The following FOCAD variants were observed in gnomAD, a reference collection of about 807,000 sequenced individuals.
FOCAD encodes the protein KIAA1797.
Under a neutral mutation model 225.6 loss-of-function variants are expected in FOCAD, and 198 were observed. The ratio of observed to expected loss-of-function variants is 0.88; its 90% CI spans 0.78 to 0.99. The LOEUF (loss-of-function observed/expected upper bound fraction) is 0.99. FOCAD is among the 50% of genes least tolerant of loss of function. FOCAD has a pLI of 0.00. For missense variants in FOCAD, 2,713 were observed against 2,123.6 expected, an observed-to-expected ratio of 1.28 and a Z score of -5.46; for synonymous variants, 897 against 755.0, an observed-to-expected ratio of 1.19 and a Z score of -3.08.
upstream of FOCAD, among the ~76,000 whole-genome samples, chr9:20,682,145 T>G (rs536083128): frequency 7.9e-5 from 12 of 152,212 alleles, no homozygotes; most frequent in Non-Finnish European, 1.8e-4. Flanking sequence ...AACCTCACCA[T>G]ATTCCAAATC....
intron 5 of FOCAD, among the ~76,000 whole-genome samples, chr9:20,743,169 C>T (rs1827768821): frequency 6.6e-6 from 1 of 152,106 alleles, no homozygotes; most frequent in African/African-American, 2.4e-5. Context: ...ATCATCCAGC[C>T]TTAGAGAGGC....
At chr9:20,765,550 A>G (rs1829982943) in intron 7 of FOCAD, among the ~76,000 whole-genome samples, 1 of 152,178 alleles carries the variant, frequency 6.6e-6, no homozygotes, top group Admixed American at 6.5e-5. Context: ...CAACATATGC[A>G]GCAGCTCTCA....
intron 6 of FOCAD, among the ~76,000 whole-genome samples, chr9:20,762,938 T>C (rs1426907729): frequency 6.6e-6 from 1 of 152,218 alleles, no homozygotes; most frequent in Admixed American, 6.5e-5. Context: ...TTAAATACCG[T>C]TTCTTCCGTG....
intron 1 of FOCAD, among the ~76,000 whole-genome samples, chr9:20,698,807 A>G (rs1271365805): frequency 6.6e-6 from 1 of 152,206 alleles, no homozygotes; most frequent in Non-Finnish European, 1.5e-5. Flanking sequence ...TTTTATCTGC[A>G]TAGTCCTTAG....
chr9:20,809,010 GAAATGTACACA>G (rs1387285764), intron 11 of FOCAD, among the ~76,000 whole-genome samples: 11 of 152,138 alleles, frequency 7.2e-5, no homozygotes, highest in African/African-American at 2.7e-4. Context: ...TGTATACACA[GAAATGTACACA>G]AAAGCATTAC....
chr9:20,754,706 A>G (rs1016554611), intron 5 of FOCAD, among the ~76,000 whole-genome samples: 1 of 152,100 alleles, frequency 6.6e-6, no homozygotes, highest in Non-Finnish European at 1.5e-5. Context: ...TTTGATTGTC[A>G]TGACTAGGAG....
intron 38 of FOCAD, 140 bp downstream of exon 38, chr9:20,981,826 T>C: frequency 1.1e-6 from 1 of 950,616 alleles, no homozygotes; most frequent in Middle Eastern, 2.8e-4. Flanking sequence ...TTACTAGGAG[T>C]GTATTTGTTT....
chr9:20,753,511 C>G (rs981333490), intron 5 of FOCAD, among the ~76,000 whole-genome samples: 3 of 151,784 alleles, frequency 2.0e-5, no homozygotes, highest in African/African-American at 7.3e-5. Flanking sequence ...GGATGAAGCC[C>G]ACTTGATCAT....
chr9:20,678,583 A>G (rs986399642), intron 2 of FOCAD, among the ~76,000 whole-genome samples: 2 of 152,206 alleles, frequency 1.3e-5, no homozygotes, highest in African/African-American at 4.8e-5. Context: ...TTGCCCCTTC[A>G]CAGTGCTGCA....
intron 35 of FOCAD, among the ~76,000 whole-genome samples, chr9:20,964,146 G>T (rs1250880959): frequency 6.6e-6 from 1 of 151,902 alleles, no homozygotes; most frequent in Non-Finnish European, 1.5e-5. Context: ...CAGGTAGATC[G>T]CCTAAGGTCA....
chr9:20,862,054 T>G (rs753987382), intron 15 of FOCAD, among the ~76,000 whole-genome samples: 3 of 152,132 alleles, frequency 2.0e-5, no homozygotes, highest in Non-Finnish European at 4.4e-5. Context: ...ATTATTATGT[T>G]AAATACTGTA....
intron 18 of FOCAD, 127 bp from the exon 19 acceptor site, chr9:20,874,554 C>G: frequency 2.3e-6 from 2 of 883,688 alleles, no homozygotes. Context: ...TTTCAGTGGT[C>G]TTTTATGTTA....
intron 10 of FOCAD, among the ~76,000 whole-genome samples, chr9:20,784,324 C>T (rs1256393206): frequency 1.3e-5 from 2 of 152,172 alleles, no homozygotes; most frequent in Non-Finnish European, 2.9e-5. Flanking sequence ...CTCTCCTATG[C>T]TCTCTATTGA....
chr9:20,789,338 C>T lies in FOCAD; in HGVS notation c.1198-13C>T, dbSNP rs1820277448. 6.2e-7 allele frequency: 1 copy of T among 1,605,152 alleles called. No homozygotes were observed. The highest frequency in any genetic ancestry group is 8.5e-7 in the Non-Finnish European group (1 of 1,172,464). The stretch of plus-strand genomic sequence containing the variant: ...TCTCACTTATTTATGCCTCTCTTGT[C>T]TTTATTTTTCAGCTCTCCTACAAGC... On this transcript the variant is annotated splice_polypyrimidine_tract_variant and intron_variant, in intron 10 of 43. Transcript: ENST00000338382.
At chr9:20,873,660 G>C (rs536063071) in intron 18 of FOCAD, among the ~76,000 whole-genome samples, 1 of 150,550 alleles carries the variant, frequency 6.6e-6, no homozygotes, top group South Asian at 2.1e-4. Context: ...TGGTTGAAAG[G>C]CTTCATTGGA....
At chr9:20,680,555 A>C (rs1822371712), upstream of FOCAD, among the ~76,000 whole-genome samples, 1 of 152,090 alleles carries the variant, frequency 6.6e-6, no homozygotes, top group African/African-American at 2.4e-5. Flanking sequence ...CTCTGTCTCA[A>C]AAAAAAATTT....
intron 1 of FOCAD, among the ~76,000 whole-genome samples, chr9:20,685,228 G>A (rs1197816683): frequency 7.0e-6 from 1 of 142,062 alleles, no homozygotes; most frequent in Non-Finnish European, 1.5e-5. Context: ...TCAGGTTCTA[G>A]TATCCCTGAA....
chr9:20,754,472 A>G (rs1232810472), intron 5 of FOCAD, among the ~76,000 whole-genome samples: 1 of 152,000 alleles, frequency 6.6e-6, no homozygotes, highest in Non-Finnish European at 1.5e-5. Context: ...TATTTCCATA[A>G]GAAAATCACA....
intron 1 of FOCAD, among the ~76,000 whole-genome samples, chr9:20,704,606 TTTAAAC>T (rs1435918058): frequency 6.6e-6 from 1 of 152,212 alleles, no homozygotes; most frequent in African/African-American, 2.4e-5. Flanking sequence ...TTTTAAGTGG[TTTAAAC>T]TTAATCTATC....
Sources: gnomAD v4.1 joint callset for allele counts (sites outside exome capture counted in the v4.1 genomes callset) on GRCh38, gnomAD v4.1.1 for gene constraint, MANE v1.5 for transcripts, NCBI Gene and HGNC (gene_info 2026-07-23, HGNC 2026-07-21) for gene names.